Variants in SMOC2 observed in about 807,000 individuals in gnomAD.
The protein encoded by SMOC2 is SPARC-related modular calcium-binding protein 2.
A neutral mutation model predicts 61.4 loss-of-function variants in SMOC2; 39 were observed. The ratio of observed to expected loss-of-function variants is 0.64; its 90% CI spans 0.49 to 0.83. SMOC2 has a LOEUF of 0.83. Among genes scored for constraint, SMOC2 ranks in the 40% least tolerant of loss-of-function variants. SMOC2 has a pLI of 0.00. For missense variants in SMOC2, 556 were observed against 592.9 expected, an observed-to-expected ratio of 0.94 and a Z score of 0.65; for synonymous variants, 247 against 239.9, an observed-to-expected ratio of 1.03 and a Z score of -0.27.
intron 1 of SMOC2, among the ~76,000 whole-genome samples, chr6:168,489,501 T>A (rs1227951334): frequency 2.6e-5 from 4 of 151,300 alleles, no homozygotes; most frequent in African/African-American, 7.3e-5. Context: ...ATGAAATATA[T>A]CAAATCGTCT....
At chr6:168,623,220 A>G (rs1372919466) in intron 9 of SMOC2, among the ~76,000 whole-genome samples, 3 of 152,166 alleles carry the variant, frequency 2.0e-5, no homozygotes, top group African/African-American at 7.2e-5. Flanking sequence ...TCAACATGCA[A>G]TACTCTAAAA....
At chr6:168,632,039 C>T (rs1289486594) in intron 9 of SMOC2, among the ~76,000 whole-genome samples, 2 of 152,184 alleles carry the variant, frequency 1.3e-5, no homozygotes, top group South Asian at 4.1e-4. Context: ...ACGTGAGCTC[C>T]GTTCCCCTCA....
intron 8 of SMOC2, among the ~76,000 whole-genome samples, chr6:168,599,614 C>CATACCCCCACACACCCACAG (rs1785471976): frequency 7.4e-6 from 1 of 134,720 alleles, no homozygotes; most frequent in Non-Finnish European, 1.6e-5. Flanking sequence ...CACACCCACA[C>CATACCCCCACACACCCACAG]ACACTCATAC....
At chr6:168,530,696 A>G (rs566675504) in intron 4 of SMOC2, among the ~76,000 whole-genome samples, 190 of 133,334 alleles carry the variant, frequency 1.4e-3, no homozygotes, top group Non-Finnish European at 2.1e-3. Flanking sequence ...CCGTGATTCT[A>G]TGACTTGCTG....
chr6:168,659,741 G>T (rs1487187972), intron 11 of SMOC2, among the ~76,000 whole-genome samples: 12 of 129,668 alleles, frequency 9.3e-5, no homozygotes, highest in East Asian at 4.5e-4. Context: ...TTGTAGGTTG[G>T]GTGAGGATGG....
In SMOC2 at chr6:168,575,293, A is replaced by G. The variant is rs147623469; in HGVS notation, c.638-23525A>G. On this transcript the variant is annotated intron_variant, in intron 7 of 12. Transcript: ENST00000356284. ...AGTGAGCACTCAACATGCATTTCGGATGTTTCCTGCAGAATATTTTTTCCC... is the reference window on the plus strand; with the variant it reads ...AGTGAGCACTCAACATGCATTTCGGGTGTTTCCTGCAGAATATTTTTTCCC... Among the ~76,000 whole-genome samples, 540 of 152,286 alleles carry G rather than the reference A, an allele frequency of 3.5e-3. 4 individuals are homozygous for G. Among genetic ancestry groups the G allele is most frequent in the South Asian group, 5.2e-3 (25 of 4,822 alleles).
intron 4 of SMOC2, among the ~76,000 whole-genome samples, chr6:168,539,488 G>A (rs73258958): frequency 0.011 from 1,620 of 152,288 alleles, 35 homozygotes; most frequent in African/African-American, 0.037. Flanking sequence ...AGATCAAATC[G>A]TGGATCTGAT....
At chr6:168,483,302 A>G (rs1475075248) in intron 1 of SMOC2, among the ~76,000 whole-genome samples, 1 of 152,110 alleles carries the variant, frequency 6.6e-6, no homozygotes, top group Non-Finnish European at 1.5e-5. Context: ...CTAATGATGG[A>G]CACTCTGAAA....
chr6:168,602,303 T>C (rs1474609425), intron 8 of SMOC2, among the ~76,000 whole-genome samples: 1 of 152,216 alleles, frequency 6.6e-6, no homozygotes, highest in Admixed American at 6.5e-5. Flanking sequence ...ATAATTGTTA[T>C]AAGTCGTTGG....
chr6:168,531,832 T>C (rs1176383160), intron 4 of SMOC2, among the ~76,000 whole-genome samples: 1 of 152,188 alleles, frequency 6.6e-6, no homozygotes, highest in Non-Finnish European at 1.5e-5. Flanking sequence ...CCATAACCCA[T>C]GTTTCTCCCC....
chr6:168,455,519 T>G (rs1214857072), intron 1 of SMOC2, among the ~76,000 whole-genome samples: 1 of 152,216 alleles, frequency 6.6e-6, no homozygotes, highest in Non-Finnish European at 1.5e-5. Context: ...TCTCTCCTAC[T>G]TAAAAATGTT....
intron 4 of SMOC2, among the ~76,000 whole-genome samples, chr6:168,537,950 C>CCTGGAATCTGGGGAGTGGGGTGAGCTCTG (rs1783771558): frequency 6.6e-6 from 1 of 152,190 alleles, no homozygotes; most frequent in Non-Finnish European, 1.5e-5. Flanking sequence ...ACTTCCTCAC[C>CCTGGAATCTGGGGAGTGGGGTGAGCTCTG]CTGGAATCTG....
intron 9 of SMOC2, among the ~76,000 whole-genome samples, chr6:168,649,140 G>A (rs1787126772): frequency 6.6e-6 from 1 of 152,230 alleles, no homozygotes; most frequent in Non-Finnish European, 1.5e-5. Flanking sequence ...AGGCGGGGAA[G>A]GGGCCGTCCT....
chr6:168,523,079 A>ATTCCTTTTTTTTT (rs551183247), intron 2 of SMOC2, among the ~76,000 whole-genome samples: 1 of 93,664 alleles, frequency 1.1e-5, no homozygotes, highest in Non-Finnish European at 2.2e-5. Flanking sequence ...TTGTACAGTA[A>ATTCCTTTTTTTTT]TTTTTTTTTT....
intron 7 of SMOC2, among the ~76,000 whole-genome samples, chr6:168,581,676 G>A (rs958988883): frequency 1.2e-4 from 18 of 152,234 alleles, no homozygotes; most frequent in Non-Finnish European, 2.1e-4. Flanking sequence ...AATTATTAAT[G>A]TCGGATGCAC....
At chr6:168,558,872 TGTGTGTGC>T (rs548039486) in intron 7 of SMOC2, among the ~76,000 whole-genome samples, 725 of 44,230 alleles carry the variant, frequency 0.016, 16 homozygotes, top group Admixed American at 0.095. Flanking sequence ...TGTGTGTGCA[TGTGTGTGC>T]GTGTGTGCGT....
At chr6:168,605,028 C>G (rs1785651842) in intron 8 of SMOC2, among the ~76,000 whole-genome samples, 2 of 152,210 alleles carry the variant, frequency 1.3e-5, no homozygotes, top group South Asian at 4.2e-4. Flanking sequence ...ATGGTAGAGT[C>G]CAGGTGGGAG....
At chr6:168,450,412 A>C (rs909643191) in intron 1 of SMOC2, among the ~76,000 whole-genome samples, 2 of 152,210 alleles carry the variant, frequency 1.3e-5, no homozygotes, top group East Asian at 3.8e-4. Flanking sequence ...ATGAATCAAC[A>C]GGAACGGACA....
At position 168,530,472 on chromosome 6, in the gene SMOC2, A is replaced by G. The variant is rs538617226; in HGVS notation, c.463+2745A>G. 3.9e-5 allele frequency among the ~76,000 whole-genome samples: 6 copies of G among 152,334 alleles called. No individual in the cohort carries two copies. The East Asian group carries it at 1.2e-3, about 29-fold the overall frequency. ...AAACGGCCAAAAGTCTCGAGCAGGC[A>G]GCATTTTATTTATAAAGGAAAAAAT... is the stretch of plus-strand genomic sequence containing the variant. On this transcript the variant is annotated intron_variant, in intron 4 of 12. Coordinates refer to ENST00000356284, the MANE Select transcript of SMOC2 (RefSeq NM_001166412.2).
Sources: allele counts gnomAD v4.1 joint callset (sites outside exome capture counted in the v4.1 genomes callset), GRCh38; gene constraint gnomAD v4.1.1; transcripts MANE v1.5; gene names NCBI Gene and HGNC (gene_info 2026-07-23, HGNC 2026-07-21).